LSAMP: variants seen among roughly 807,000 people sequenced by gnomAD.
LSAMP encodes the protein limbic system-associated membrane protein.
A neutral mutation model predicts 38.6 loss-of-function variants in LSAMP; 7 were observed. That is an observed-to-expected ratio of 0.18 (90% CI 0.10 to 0.34). LSAMP has a LOEUF of 0.34. Ranked by LOEUF, LSAMP falls within the 10% of genes least tolerant of loss-of-function variation. The pLI is 1.00. For synonymous variants in LSAMP, 154 were observed against 166.8 expected, an observed-to-expected ratio of 0.92 and a Z score of 0.59; for missense variants, 313 against 420.0, an observed-to-expected ratio of 0.75 and a Z score of 2.23.
intron 3 of LSAMP, among the ~76,000 whole-genome samples, chr3:115,905,509 T>A (rs1034386564): frequency 2.0e-5 from 3 of 152,138 alleles, no homozygotes; most frequent in African/African-American, 7.2e-5. Flanking sequence ...CAACACTGAT[T>A]TCAATTAAAT....
At position 116,158,864 on chromosome 3, in the gene LSAMP, G is replaced by C. The variant is rs1709818232; in HGVS notation, c.156-72308C>G. ...GAAAAAACTATTTTAAAATTCACGA[G>C]AACCAAAAAGGAGCCCAAACAGCCA... On this transcript the variant is annotated intron_variant, in intron 1 of 6. Transcript: ENST00000490035. Among the ~76,000 whole-genome samples the C allele has an allele frequency of 2.6e-5, 4 of 152,064 alleles. No homozygotes were observed. The South Asian group carries it at 8.3e-4, about 32-fold the overall frequency.
intron 3 of LSAMP, among the ~76,000 whole-genome samples, chr3:116,013,102 A>G (rs1457747949): frequency 2.6e-5 from 4 of 152,208 alleles, no homozygotes; most frequent in African/African-American, 9.6e-5. Flanking sequence ...CCAAGAACAC[A>G]TCTAGGCTGA....
intron 3 of LSAMP, among the ~76,000 whole-genome samples, chr3:115,921,700 A>G (rs1937386338): frequency 6.6e-6 from 1 of 152,090 alleles, no homozygotes; most frequent in South Asian, 2.1e-4. Context: ...TTAAACTTCA[A>G]CTAATTTGAA....
chr3:115,825,712 T>C (rs1934385298), intron 6 of LSAMP, among the ~76,000 whole-genome samples: 1 of 152,228 alleles, frequency 6.6e-6, no homozygotes, highest in South Asian at 2.1e-4. Context: ...AGAAATTATC[T>C]TTATTTTTTA....
intron 1 of LSAMP, among the ~76,000 whole-genome samples, chr3:116,367,592 CCT>C (rs2048371272): frequency 6.6e-6 from 1 of 150,618 alleles, no homozygotes; most frequent in African/African-American, 2.5e-5. Context: ...GCAACATCTG[CCT>C]CTCAGGTTCA....
At chr3:116,357,302 CG>C (rs1308400071) in intron 1 of LSAMP, among the ~76,000 whole-genome samples, 1 of 151,920 alleles carries the variant, frequency 6.6e-6, no homozygotes, top group Non-Finnish European at 1.5e-5. Flanking sequence ...TAAATGAAAA[CG>C]CTGTTTTATT....
intron 2 of LSAMP, among the ~76,000 whole-genome samples, chr3:116,031,595 C>CTTTTTTTTTTTT (rs1940927510): frequency 1.5e-5 from 1 of 66,240 alleles, no homozygotes; most frequent in Admixed American, 2.2e-4. Context: ...TTTTTAGTTG[C>CTTTTTTTTTTTT]TTAAGGCATA....
At chr3:115,887,461 A>G (rs17762999) in intron 3 of LSAMP, among the ~76,000 whole-genome samples, 23,069 of 151,896 alleles carry the variant, frequency 0.15, 2,227 homozygotes, top group East Asian at 0.21. Flanking sequence ...AAATACTTCA[A>G]CAAGTGTCTG....
chr3:116,133,628 T>G (rs1195644385), intron 1 of LSAMP, among the ~76,000 whole-genome samples: 1 of 152,152 alleles, frequency 6.6e-6, no homozygotes, highest in Non-Finnish European at 1.5e-5. Flanking sequence ...CATATTTAAA[T>G]TGAGGAAATA....
chr3:116,389,909 C>T (rs2048670361), intron 1 of LSAMP, among the ~76,000 whole-genome samples: 1 of 151,820 alleles, frequency 6.6e-6, no homozygotes, highest in Non-Finnish European at 1.5e-5. Flanking sequence ...AGATTTTAGC[C>T]CAAGGAATGA....
intron 2 of LSAMP, among the ~76,000 whole-genome samples, chr3:116,058,220 G>T (rs998561974): frequency 6.6e-6 from 1 of 152,264 alleles, no homozygotes; most frequent in Non-Finnish European, 1.5e-5. Context: ...GCAAGTCATT[G>T]TAACATTTTA....
intron 1 of LSAMP, among the ~76,000 whole-genome samples, chr3:116,376,738 C>T (rs939534936): frequency 2.6e-5 from 4 of 152,068 alleles, no homozygotes; most frequent in East Asian, 1.9e-4. Flanking sequence ...TTCAAAGACA[C>T]CCCAGTGGGG....
intron 1 of LSAMP, among the ~76,000 whole-genome samples, chr3:116,189,207 CTGAA>C (rs1322760514): frequency 1.3e-5 from 2 of 152,092 alleles, no homozygotes; most frequent in Non-Finnish European, 2.9e-5. Flanking sequence ...CAGTGGAAGC[CTGAA>C]TGAAGTAAGG....
intron 3 of LSAMP, among the ~76,000 whole-genome samples, chr3:115,917,321 G>T (rs865967353): frequency 1.3e-5 from 2 of 151,966 alleles, no homozygotes; most frequent in East Asian, 3.9e-4. Context: ...TGTTTATTAC[G>T]TACCTTTGCT....
intron 1 of LSAMP, among the ~76,000 whole-genome samples, chr3:116,215,545 A>T (rs896347843): frequency 7.9e-5 from 12 of 152,094 alleles, no homozygotes; most frequent in Admixed American, 3.3e-4. Flanking sequence ...AAGACCACCT[A>T]CTTCTGAACC....
intron 3 of LSAMP, among the ~76,000 whole-genome samples, chr3:115,911,853 C>G (rs977835931): frequency 6.6e-6 from 1 of 152,100 alleles, no homozygotes; most frequent in African/African-American, 2.4e-5. Context: ...TTGGTGTTGC[C>G]ATATTTTTTA....
At chr3:116,255,006 T>C (rs2046731808) in intron 1 of LSAMP, among the ~76,000 whole-genome samples, 1 of 152,222 alleles carries the variant, frequency 6.6e-6, no homozygotes, top group African/African-American at 2.4e-5. Flanking sequence ...CTTTCTCTTT[T>C]GCTCTTTGGT....
chr3:116,138,059 A>G (rs867086106), intron 1 of LSAMP, among the ~76,000 whole-genome samples: 2 of 152,244 alleles, frequency 1.3e-5, no homozygotes, highest in South Asian at 4.1e-4. Flanking sequence ...TCTAGTTACA[A>G]AGCAGATTCT....
At chr3:116,322,727 GAT>G (rs2047722202) in intron 1 of LSAMP, among the ~76,000 whole-genome samples, 1 of 151,958 alleles carries the variant, frequency 6.6e-6, no homozygotes, top group Non-Finnish European at 1.5e-5. Flanking sequence ...CTAAACATTG[GAT>G]CATATTCTTC....
Sources: gnomAD v4.1 joint callset for allele counts (sites outside exome capture counted in the v4.1 genomes callset) on GRCh38, gnomAD v4.1.1 for gene constraint, MANE v1.5 for transcripts, NCBI Gene and HGNC (gene_info 2026-07-23, HGNC 2026-07-21) for gene names.